KCND2: variants seen among roughly 807,000 people sequenced by gnomAD.
KCND2 encodes potassium voltage-gated channel subfamily D member 2.
In KCND2, 16 loss-of-function variants were observed where a neutral mutation model predicts 54.4. The observed-to-expected ratio is 0.29, with a 90% CI of 0.20 to 0.45. The LOEUF is 0.45. Among genes scored for constraint, KCND2 ranks in the 20% least tolerant of loss-of-function variants. The pLI is 1.00. For missense variants in KCND2, 486 were observed against 824.2 expected (o/e 0.59, Z 5.02); for synonymous variants, 317 against 310.7 (o/e 1.02, Z -0.21).
At chr7:120,318,952 T>G (rs1799854339) in intron 1 of KCND2, among the ~76,000 whole-genome samples, 1 of 152,032 alleles carries the variant, frequency 6.6e-6, no homozygotes, top group Non-Finnish European at 1.5e-5. Context: ...CTTCAAATAT[T>G]GTAAAGATGA....
At chr7:120,709,713 C>T (rs1232840240) in intron 1 of KCND2, among the ~76,000 whole-genome samples, 2 of 152,238 alleles carry the variant, frequency 1.3e-5, no homozygotes, top group East Asian at 1.9e-4. Flanking sequence ...AATTCTAGTT[C>T]AAGAAGAAAG....
At chr7:120,328,481 C>T (rs902722467) in intron 1 of KCND2, among the ~76,000 whole-genome samples, 7 of 152,064 alleles carry the variant, frequency 4.6e-5, no homozygotes, top group Admixed American at 1.3e-4. Context: ...TCAAAGTTGA[C>T]AGTTTAACCA....
intron 1 of KCND2, among the ~76,000 whole-genome samples, chr7:120,297,536 G>A (rs558872525): frequency 5.6e-4 from 85 of 152,178 alleles, no homozygotes; most frequent in African/African-American, 1.9e-3. Flanking sequence ...ATATCTTGTT[G>A]ATACAATGAC....
chr7:120,536,713 G>A (rs1791911961), intron 1 of KCND2, among the ~76,000 whole-genome samples: 1 of 152,032 alleles, frequency 6.6e-6, no homozygotes, highest in Non-Finnish European at 1.5e-5. Context: ...TCACAGGATG[G>A]CAGCAATTCA....
At chr7:120,561,834 A>C (rs7791550) in intron 1 of KCND2, among the ~76,000 whole-genome samples, 1 of 151,762 alleles carries the variant, frequency 6.6e-6, no homozygotes, top group East Asian at 1.9e-4. Context: ...CTGGCCGCGA[A>C]CTCCTTACCT....
chr7:120,708,990 G>A (rs575080911), intron 1 of KCND2, among the ~76,000 whole-genome samples: 3 of 152,030 alleles, frequency 2.0e-5, no homozygotes, highest in Admixed American at 1.3e-4. Context: ...AAGGCCATAA[G>A]TAAGTGGCAA....
At chr7:120,385,637 T>C (rs1800977029) in intron 1 of KCND2, among the ~76,000 whole-genome samples, 1 of 152,082 alleles carries the variant, frequency 6.6e-6, no homozygotes, top group African/African-American at 2.4e-5. Context: ...GAAACAAAAA[T>C]AAAACCATAT....
chr7:120,472,692 A>G (rs1802476909), intron 1 of KCND2, among the ~76,000 whole-genome samples: 2 of 152,172 alleles, frequency 1.3e-5, no homozygotes, highest in African/African-American at 4.8e-5. Flanking sequence ...AAGCTTTGCA[A>G]CAGACTAAAC....
intron 1 of KCND2, among the ~76,000 whole-genome samples, chr7:120,372,143 T>A (rs778003487): frequency 6.6e-6 from 1 of 151,942 alleles, no homozygotes; most frequent in Admixed American, 6.6e-5. Context: ...AGATATAAGG[T>A]ATAAGATCTG....
In KCND2 at chr7:120,275,793, G is replaced by A. The variant is rs376279199; in HGVS notation, c.1115+46G>A. The A allele has an allele frequency of 1.0e-4, 162 of 1,583,632 alleles. 2 individuals are homozygous for A. In the Middle Eastern group the frequency reaches 1.8e-3, roughly 18 times the overall value. Reference sequence around the variant, plus strand: ...TGGGATGGAGGTTGGGTATGGGTGAGGCGATTGTGGACCCATCGAGGTTAC... The same window carrying A: ...TGGGATGGAGGTTGGGTATGGGTGAAGCGATTGTGGACCCATCGAGGTTAC... On this transcript the variant is annotated intron_variant, in intron 1 of 5. Transcript: ENST00000331113.
intron 1 of KCND2, among the ~76,000 whole-genome samples, chr7:120,597,679 A>G (rs962368939): frequency 6.6e-6 from 1 of 152,232 alleles, no homozygotes; most frequent in African/African-American, 2.4e-5. Flanking sequence ...GATGTGGGAA[A>G]CATCTTTTGG....
intron 1 of KCND2, among the ~76,000 whole-genome samples, chr7:120,300,560 A>G (rs970725725): frequency 2.0e-5 from 3 of 152,162 alleles, no homozygotes; most frequent in Non-Finnish European, 4.4e-5. Flanking sequence ...TATTATTCAG[A>G]GGAAAAAACA....
intron 1 of KCND2, among the ~76,000 whole-genome samples, chr7:120,483,261 G>A (rs1271409572): frequency 6.6e-6 from 1 of 152,056 alleles, no homozygotes; most frequent in Non-Finnish European, 1.5e-5. Context: ...TTCAACAAAG[G>A]GAATGTTGAA....
At chr7:120,721,059 T>A (rs775015509) in intron 1 of KCND2, among the ~76,000 whole-genome samples, 77 of 152,228 alleles carry the variant, frequency 5.1e-4, no homozygotes, top group Non-Finnish European at 1.0e-3. Context: ...ACATGATTTG[T>A]TTCCTCTTTC....
At chr7:120,583,476 T>C (rs1256209715) in intron 1 of KCND2, among the ~76,000 whole-genome samples, 1 of 152,184 alleles carries the variant, frequency 6.6e-6, no homozygotes, top group Non-Finnish European at 1.5e-5. Flanking sequence ...CTGGGTACTA[T>C]GAAAATCTAT....
intron 1 of KCND2, among the ~76,000 whole-genome samples, chr7:120,435,832 G>A (rs1037544188): frequency 6.6e-5 from 10 of 151,922 alleles, no homozygotes; most frequent in African/African-American, 2.4e-4. Flanking sequence ...TGAGTGTTTG[G>A]GCAATTGATG....
At chr7:120,463,983 G>T (rs544484587) in intron 1 of KCND2, 1 of 863,680 alleles carries the variant, frequency 1.2e-6, no homozygotes, top group African/African-American at 1.9e-5. Flanking sequence ...ACCCTGACTG[G>T]CTACATTGGA....
At chr7:120,403,314 GTTT>G (rs72376752) in intron 1 of KCND2, among the ~76,000 whole-genome samples, 26 of 143,532 alleles carry the variant, frequency 1.8e-4, no homozygotes, top group African/African-American at 5.1e-4. Context: ...TATTATTCAT[GTTT>G]TTTTTTTTTT....
In KCND2 at chr7:120,483,919, GAGA is replaced by G. The variant is rs1802651202; in HGVS notation, c.1115+208176_1115+208178del. Among the ~76,000 whole-genome samples the G allele has an allele frequency of 3.3e-5, 5 of 152,274 alleles. No individual in the cohort carries two copies. In the South Asian group the frequency reaches 1.0e-3, roughly 32 times the overall value. On this transcript the variant is annotated intron_variant, in intron 1 of 5. Transcript: ENST00000331113. ...GTTTCTGAGTGGGAAGAAGAATCTG[GAGA>G]AGATTGTTTTGCTTTGCTTTTTAAA...
Sources: allele counts gnomAD v4.1 joint callset (sites outside exome capture counted in the v4.1 genomes callset), GRCh38; gene constraint gnomAD v4.1.1; transcripts MANE v1.5; gene names NCBI Gene and HGNC (gene_info 2026-07-23, HGNC 2026-07-21).